The following G2E3 variants were observed in gnomAD, a reference collection of about 807,000 sequenced individuals.
The protein encoded by G2E3 is G2/M-phase specific E3 ubiquitin protein ligase, also known as G2/M phase-specific E3 ubiquitin-protein ligase.
Under a neutral mutation model 92.8 loss-of-function variants are expected in G2E3, and 35 were observed. The ratio of observed to expected loss-of-function variants is 0.38; its 90% CI spans 0.29 to 0.50. The LOEUF is 0.50. Among genes scored for constraint, G2E3 ranks in the 20% least tolerant of loss-of-function variants. The probability of loss-of-function intolerance (pLI) is 0.94; values close to 1 mark genes in which losing one functional copy is unlikely to be tolerated. For missense variants in G2E3, 554 were observed against 823.8 expected (o/e 0.67, Z 4.01); for synonymous variants, 242 against 272.4 (o/e 0.89, Z 1.10).
chr14:30,618,073 GATA>G lies in G2E3; in HGVS notation c.*1543_*1545del, dbSNP rs556813048. 7.9e-5 allele frequency: 12 copies of G among 152,182 alleles called. No individual in the cohort carries two copies. In the South Asian group the frequency reaches 2.3e-3, roughly 29 times the overall value. 9.4% of individuals were successfully genotyped at this position (152,182 alleles called of 1,614,324 possible). On this transcript the variant is annotated 3_prime_UTR_variant, in exon 15 of 15. Coordinates refer to ENST00000206595, the MANE Select transcript of G2E3 (RefSeq NM_017769.5). The stretch of plus-strand genomic sequence containing the variant: ...TAAGTAACAGAATAGATTTGAAAGA[GATA>G]ATATATCTCTTAATACCAAAGGAAA...
chr14:30,588,251 A>T (rs1305635780), intron 3 of G2E3, among the ~76,000 whole-genome samples: 2 of 152,152 alleles, frequency 1.3e-5, no homozygotes, highest in Non-Finnish European at 2.9e-5. Flanking sequence ...TCTATAAAGT[A>T]AAAGGATTAT....
chr14:30,588,812 A>C (rs1479313383), intron 3 of G2E3, among the ~76,000 whole-genome samples: 1 of 152,188 alleles, frequency 6.6e-6, no homozygotes, highest in Non-Finnish European at 1.5e-5. Flanking sequence ...ATGTATAAAC[A>C]ATGAAGCTTA....
At chr14:30,605,026 A>G (rs1881763179) in intron 10 of G2E3, among the ~76,000 whole-genome samples, 2 of 152,096 alleles carry the variant, frequency 1.3e-5, no homozygotes. Context: ...CCTCCTGAGT[A>G]GCTGGGATTA....
intron 13 of G2E3, among the ~76,000 whole-genome samples, chr14:30,614,433 A>C (rs921229112): frequency 2.0e-5 from 3 of 152,190 alleles, no homozygotes; most frequent in South Asian, 4.1e-4. Context: ...TGAGCACTCA[A>C]CCCATAGGTG....
chr14:30,594,240 A>C (rs1488038388), intron 6 of G2E3, among the ~76,000 whole-genome samples: 1 of 152,230 alleles, frequency 6.6e-6, no homozygotes, highest in Non-Finnish European at 1.5e-5. Flanking sequence ...AAAACTTGAA[A>C]AAGATTCCAG....
rs749164265 is a variant in G2E3 at position 30,602,182 on chromosome 14, A to G, written c.1010+51A>G. On this transcript the variant is annotated intron_variant, in intron 10 of 14. Transcript: ENST00000206595. ...CATAAAAATCTATTTGGAGAAAATT[A>G]TGATAGGAAATGCCATATACATTTA... 6 of 1,341,970 alleles carry G rather than the reference A, an allele frequency of 4.5e-6. No homozygotes were observed. In the South Asian group the frequency reaches 6.3e-5, roughly 14 times the overall value. The allele number at this position is 1,341,970 out of a possible 1,614,324, so 83.1% of individuals were successfully genotyped here. A position where few individuals can be genotyped will look rare whatever the true frequency, so the allele number is the denominator to read the frequency against.
At chr14:30,594,437 C>A (rs1422622135) in intron 6 of G2E3, among the ~76,000 whole-genome samples, 1 of 152,124 alleles carries the variant, frequency 6.6e-6, no homozygotes, top group East Asian at 1.9e-4. Context: ...CGCCTGTAAT[C>A]CCAGCACTTT....
At chr14:30,610,969 A>G (rs1882060902) in intron 12 of G2E3, among the ~76,000 whole-genome samples, 1 of 152,240 alleles carries the variant, frequency 6.6e-6, no homozygotes, top group Non-Finnish European at 1.5e-5. Flanking sequence ...ATAAAATGCT[A>G]TCTGGCCCTT....
intron 8 of G2E3, 109 bp downstream of exon 8, chr14:30,598,708 G>A: frequency 1.3e-6 from 1 of 788,944 alleles, no homozygotes; most frequent in Non-Finnish European, 2.3e-6. Context: ...GATGTTAGAA[G>A]TTTAAATTGA....
chr14:30,587,314 A>T (rs1256021812), intron 3 of G2E3, among the ~76,000 whole-genome samples: 1 of 152,186 alleles, frequency 6.6e-6, no homozygotes, highest in Non-Finnish European at 1.5e-5. Context: ...GAGTGATTTC[A>T]TACTCAGAAT....
At chr14:30,608,780 A>T (rs562442852) in intron 12 of G2E3, among the ~76,000 whole-genome samples, 13 of 152,350 alleles carry the variant, frequency 8.5e-5, no homozygotes, top group African/African-American at 2.9e-4. Flanking sequence ...AGCATATTCT[A>T]TCCATTGTCT....
intron 12 of G2E3, among the ~76,000 whole-genome samples, chr14:30,611,056 A>G (rs1486385495): frequency 6.6e-6 from 1 of 152,176 alleles, no homozygotes; most frequent in Non-Finnish European, 1.5e-5. Flanking sequence ...CCTTCCTCTC[A>G]TTATCGTGTA....
In G2E3 at chr14:30,602,051, G is replaced by A; in HGVS notation, c.930G>A (p.Gly310=). The change falls in exon 10 of 15, where the codon GGG becomes GGA. Residue 310 remains glycine, a synonymous_variant. Coordinates refer to ENST00000206595, the MANE Select transcript of G2E3 (RefSeq NM_017769.5). ...KHVLPNSNNV[G]ITDCLLEESS... is the part of the protein sequence containing the mutation. The stretch of plus-strand genomic sequence containing the variant: ...TATTACCCAATTCTAATAATGTGGG[G>A]ATTACAGATTGTTTGTTGGAAGAGT... 1 of 1,610,610 alleles carries A rather than the reference G, an allele frequency of 6.2e-7. No homozygotes were observed. The highest frequency in any genetic ancestry group is 8.5e-7 in the Non-Finnish European group (1 of 1,176,998).
At chr14:30,578,392 C>T (rs1431847714) in intron 1 of G2E3, among the ~76,000 whole-genome samples, 1 of 152,170 alleles carries the variant, frequency 6.6e-6, no homozygotes, top group East Asian at 1.9e-4. Flanking sequence ...TTCTTTGTCT[C>T]ATCCTAGCCC....
At chr14:30,607,215 C>A (rs541916937) in intron 11 of G2E3, among the ~76,000 whole-genome samples, 1 of 152,004 alleles carries the variant, frequency 6.6e-6, no homozygotes, top group East Asian at 1.9e-4. Context: ...AAGCATAAGT[C>A]AAACTTTTTA....
Position 30,593,512 on chromosome 14 carries a change from C to T in G2E3, c.401C>T (p.Thr134Ile). The T allele has an allele frequency of 6.4e-7, 1 of 1,550,500 alleles. No individual in the cohort carries two copies. The highest frequency in any genetic ancestry group is 2.3e-5 in the East Asian group (1 of 44,400). ...CWDHRPVQIITSNNYRESLPC... is the reference protein window; with the variant it reads ...CWDHRPVQIIISNNYRESLPC... ...GACCATCGACCTGTTCAAATAATTA[C>T]ATCTAATAATTATAGAGAGTCCTTA... Residue 134 changes from threonine to isoleucine, a missense_variant, in exon 6 of 15, where the codon ACA becomes ATA. Around this residue, in one of 3 missense-constraint regions of G2E3, gnomAD observed 137 missense variants for 201.3 expected, o/e 0.68. Coordinates refer to ENST00000206595, the MANE Select transcript of G2E3 (RefSeq NM_017769.5).
rs189896699 is a variant in G2E3 at position 30,570,582 on chromosome 14, C to T, written c.-4-10494C>T. ...ATTTCAACTAACCTGTCTTCAAGTT[C>T]GCTGATTCTTTCTCCTGCCTGCTCA... On this transcript the variant is annotated intron_variant, in intron 1 of 14. Transcript: ENST00000206595. Among the ~76,000 whole-genome samples, 488 of 152,068 alleles carry T rather than the reference C, an allele frequency of 3.2e-3. 4 individuals are homozygous for T. The highest frequency in any genetic ancestry group is 0.011 in the African/African-American group (459 of 41,494).
intron 8 of G2E3, among the ~76,000 whole-genome samples, chr14:30,600,320 G>A (rs1022503263): frequency 1.3e-5 from 2 of 152,216 alleles, no homozygotes; most frequent in East Asian, 3.9e-4. Flanking sequence ...CCTTCATTGT[G>A]CTTGTTACAA....
In G2E3 at chr14:30,589,468, A is replaced by G. The variant is rs1331722497; in HGVS notation, c.221A>G (p.Asn74Ser). The change falls in exon 4 of 15, where the codon AAT becomes AGT. Residue 74 changes from asparagine to serine, a missense_variant. Coordinates refer to ENST00000206595, the MANE Select transcript of G2E3 (RefSeq NM_017769.5). ...FLIEDIRKEV[N>S]RASKLKCCVC... ...ATAGAAGATATCAGGAAGGAAGTGA[A>G]TAGAGCTTCTAAACTGGTAAGTAAA... 5.2e-6 allele frequency: 8 copies of G among 1,544,450 alleles called. No individual in the cohort carries two copies. The highest frequency in any genetic ancestry group is 2.2e-5 in the South Asian group (2 of 88,918).
Sources: allele counts gnomAD v4.1 joint callset (sites outside exome capture counted in the v4.1 genomes callset), GRCh38; gene constraint gnomAD v4.1.1; regional missense constraint gnomAD v4.1.1; transcripts MANE v1.5; gene names NCBI Gene and HGNC (gene_info 2026-07-23, HGNC 2026-07-21).